UBE2F: variants seen among roughly 807,000 people sequenced by gnomAD.
The protein encoded by UBE2F is ubiquitin conjugating enzyme E2 F (putative), also known as NEDD8-conjugating enzyme UBE2F.
UBE2F carries 5 observed loss-of-function variants against 29.6 expected under a neutral mutation model. The observed-to-expected ratio is 0.17, with a 90% CI of 0.09 to 0.36. The LOEUF (loss-of-function observed/expected upper bound fraction) is 0.36. Ranked by LOEUF, UBE2F falls within the 10% of genes least tolerant of loss-of-function variation. UBE2F has a pLI of 1.00. For missense variants in UBE2F, 141 were observed against 228.5 expected, an observed-to-expected ratio of 0.62 and a Z score of 2.47; for synonymous variants, 66 against 81.8, an observed-to-expected ratio of 0.81 and a Z score of 1.04.
At chr2:238,017,873 G>A (rs1028603861) in intron 5 of UBE2F, among the ~76,000 whole-genome samples, 2 of 152,170 alleles carry the variant, frequency 1.3e-5, no homozygotes, top group African/African-American at 4.8e-5. Context: ...ACTGCCTGAC[G>A]AGTGGAGTTG....
intron 1 of UBE2F, among the ~76,000 whole-genome samples, chr2:237,971,727 G>A (rs2063179865): frequency 8.7e-6 from 1 of 115,206 alleles, no homozygotes. Flanking sequence ...AGAAGGCAGA[G>A]TCTAGCGGAT....
At chr2:237,985,931 G>C (rs1460005718) in intron 2 of UBE2F, among the ~76,000 whole-genome samples, 1 of 152,076 alleles carries the variant, frequency 6.6e-6, no homozygotes, top group Non-Finnish European at 1.5e-5. Flanking sequence ...GTATTTCCCT[G>C]ATGTTCAGTG....
At chr2:238,036,245 T>C (rs967735653) in intron 9 of UBE2F, among the ~76,000 whole-genome samples, 4 of 152,326 alleles carry the variant, frequency 2.6e-5, no homozygotes, top group Middle Eastern at 3.4e-3. Context: ...CAGTAGTGGC[T>C]CACTGCAGCC....
At chr2:238,024,707 TAAA>T (rs1249287056) in intron 5 of UBE2F, among the ~76,000 whole-genome samples, 2 of 152,182 alleles carry the variant, frequency 1.3e-5, no homozygotes, top group Non-Finnish European at 2.9e-5. Context: ...AGAAAAATCT[TAAA>T]AGAACTTTAT....
intron 4 of UBE2F, among the ~76,000 whole-genome samples, chr2:238,005,304 T>C (rs2063877747): frequency 6.6e-6 from 1 of 152,098 alleles, no homozygotes; most frequent in Non-Finnish European, 1.5e-5. Context: ...CAAGTTATCC[T>C]TCCGCCTCAG....
intron 6 of UBE2F, among the ~76,000 whole-genome samples, chr2:238,030,073 G>A (rs2064537871): frequency 6.6e-6 from 1 of 151,944 alleles, no homozygotes; most frequent in Admixed American, 6.6e-5. Flanking sequence ...GGGAGTACAG[G>A]CGTGCACCAC....
chr2:237,967,250 T>C lies in UBE2F; in HGVS notation c.-17+118T>C. Reference sequence around the variant, plus strand: ...GCGGGGCCGCCTCGGGCCCGCCGGGTTCCTCACGCCGGGGGCCTGGCGGGC... The same window carrying C: ...GCGGGGCCGCCTCGGGCCCGCCGGGCTCCTCACGCCGGGGGCCTGGCGGGC... On this transcript the variant is annotated intron_variant, in intron 1 of 9. Coordinates refer to ENST00000272930, the MANE Select transcript of UBE2F (RefSeq NM_080678.3). This position sits in a 1 kb window ranked among gnomAD's most constrained non-coding sequence, Gnocchi z 6.3. 1.5e-6 allele frequency: 1 copy of C among 678,928 alleles called. No homozygotes were observed. Among genetic ancestry groups the C allele is most frequent in the Non-Finnish European group, 1.8e-6 (1 of 552,364 alleles). The allele number at this position is 678,928 out of a possible 1,614,324, so 42.1% of individuals were successfully genotyped here.
At chr2:238,033,014 G>A (rs1291867847) in intron 8 of UBE2F, among the ~76,000 whole-genome samples, 1 of 152,180 alleles carries the variant, frequency 6.6e-6, no homozygotes, top group Non-Finnish European at 1.5e-5. Context: ...CTTCCAGCAG[G>A]GTGGCTGTTA....
chr2:238,034,167 G>T (rs1576642469), intron 8 of UBE2F, among the ~76,000 whole-genome samples: 1 of 152,060 alleles, frequency 6.6e-6, no homozygotes, highest in East Asian at 1.9e-4. Flanking sequence ...ACTCACGCCT[G>T]TACTCCCAGC....
At chr2:238,003,295 C>A in intron 4 of UBE2F, 1 of 464,030 alleles carries the variant, frequency 2.2e-6, no homozygotes, top group South Asian at 1.6e-5. Flanking sequence ...CTTAAAATGT[C>A]AGTTATCTGC....
chr2:237,983,279 T>A (rs1014410025), intron 2 of UBE2F, among the ~76,000 whole-genome samples: 3 of 152,250 alleles, frequency 2.0e-5, no homozygotes, highest in Non-Finnish European at 4.4e-5. Context: ...CACACTCAGC[T>A]CCGCTGAAGA....
intron 8 of UBE2F, 151 bp from the exon 9 acceptor site, chr2:238,035,727 A>T: frequency 1.7e-6 from 1 of 596,800 alleles, no homozygotes; most frequent in African/African-American, 1.9e-5. Flanking sequence ...TTTTGGTATC[A>T]CAAGCACTTG....
chr2:237,990,362 T>G (rs1017624984), intron 3 of UBE2F: 1 of 451,012 alleles, frequency 2.2e-6, no homozygotes, highest in Non-Finnish European at 4.5e-6. Context: ...CATCTTATCT[T>G]CCCACAGGCC....
At chr2:238,003,537 A>G in intron 4 of UBE2F, 1 of 348,610 alleles carries the variant, frequency 2.9e-6, no homozygotes, top group Admixed American at 3.2e-5. Flanking sequence ...AGTGAGTATG[A>G]CATGAATTGT....
chr2:237,983,409 A>G (rs541041850), intron 2 of UBE2F, among the ~76,000 whole-genome samples: 1 of 152,048 alleles, frequency 6.6e-6, no homozygotes, highest in African/African-American at 2.4e-5. Context: ...GTCTGTCTTC[A>G]CCTTTGGTGC....
rs911457276 is a variant in UBE2F at position 238,001,737 on chromosome 2, G to A, written c.214+6928G>A. On this transcript the variant is annotated intron_variant, in intron 4 of 9. Transcript: ENST00000272930. Reference sequence around the variant, plus strand: ...TGGGAGGCTGAGGCAGGAGAATGGCGTGAACCCAGGAGGTGGAGCTTGCAG... The same window carrying A: ...TGGGAGGCTGAGGCAGGAGAATGGCATGAACCCAGGAGGTGGAGCTTGCAG... 3.9e-5 allele frequency among the ~76,000 whole-genome samples: 6 copies of A among 152,100 alleles called. No homozygotes were observed. The East Asian group carries it at 5.9e-4, about 15-fold the overall frequency.
intron 1 of UBE2F, among the ~76,000 whole-genome samples, chr2:237,970,927 G>C (rs2106319738): frequency 6.6e-6 from 1 of 152,310 alleles, no homozygotes; most frequent in South Asian, 2.1e-4. Flanking sequence ...TGGGCAGGCT[G>C]GTCTAGAACT....
At chr2:238,005,618 A>C (rs987765033) in intron 4 of UBE2F, among the ~76,000 whole-genome samples, 1 of 136,400 alleles carries the variant, frequency 7.3e-6, no homozygotes, top group South Asian at 2.3e-4. Flanking sequence ...TTTTTTTTCT[A>C]TCTCTTTTTT....
intron 5 of UBE2F, 64 bp downstream of exon 5, chr2:238,016,697 C>G: frequency 1.4e-6 from 2 of 1,429,452 alleles, no homozygotes; most frequent in Non-Finnish European, 1.9e-6. Context: ...GGCTGTGGCC[C>G]GCCACTGGCA....
Sources: allele counts gnomAD v4.1 joint callset (sites outside exome capture counted in the v4.1 genomes callset), GRCh38; gene constraint gnomAD v4.1.1; non-coding constraint Gnocchi (gnomAD v3.1); transcripts MANE v1.5; gene names NCBI Gene and HGNC (gene_info 2026-07-23, HGNC 2026-07-21).